The following OR9I1 variants were observed in gnomAD, a reference collection of about 807,000 sequenced individuals.
OR9I1 encodes the protein olfactory receptor 9I1.
In OR9I1, 7 loss-of-function variants were observed where a neutral mutation model predicts 11.2. That is an observed-to-expected ratio of 0.62 (90% CI 0.36 to 1.17). OR9I1 has a LOEUF of 1.17. OR9I1 is among the 50% of genes most tolerant of loss of function. The pLI, the probability that OR9I1 is intolerant of heterozygous loss-of-function variation, is 0.02. For missense variants in OR9I1, 428 were observed against 377.2 expected (o/e 1.13, Z -1.12); for synonymous variants, 165 against 153.4 (o/e 1.08, Z -0.56).
intron 2 of OR9I1, among the ~76,000 whole-genome samples, chr11:58,122,362 G>A (rs1854042188): frequency 6.6e-6 from 1 of 152,204 alleles, no homozygotes; most frequent in Non-Finnish European, 1.5e-5. Flanking sequence ...TTCAAGCTCT[G>A]TGGTTGTCAC....
Position 58,118,289 on chromosome 11 carries a change from G to T in OR9I1, c.*211C>A. On this transcript the variant is annotated 3_prime_UTR_variant, in exon 3 of 3. Transcript: ENST00000641439. ...AGAGACTGCCCAGTGCTAAGGAATG[G>T]ATTGAAAGTGGAAGAAGGGGATAAG... The T allele has an allele frequency of 4.0e-6, 2 of 502,588 alleles. No individual in the cohort carries two copies. The highest frequency in any genetic ancestry group is 7.0e-6 in the Non-Finnish European group (2 of 284,738). The allele number at this position is 502,588 out of a possible 1,614,324, so 31.1% of individuals were successfully genotyped here.
chr11:58,123,481 T>G (rs1378167792), intron 2 of OR9I1, among the ~76,000 whole-genome samples: 1 of 152,152 alleles, frequency 6.6e-6, no homozygotes, highest in Non-Finnish European at 1.5e-5. Context: ...ATTGTTGGGG[T>G]GCAGATGCAA....
At chr11:58,125,245 C>G (rs944747653) in intron 1 of OR9I1, 29 bp downstream of exon 1, 5 of 122,974 alleles carry the variant, frequency 4.1e-5, no homozygotes, top group African/African-American at 1.5e-4. Flanking sequence ...CACCGCCCCC[C>G]CCCCAAAAAA....
Position 58,119,471 on chromosome 11 carries a change from G to T in OR9I1, c.-22-5C>A. On this transcript the variant is annotated splice_polypyrimidine_tract_variant and splice_region_variant and intron_variant, in intron 2 of 2. Coordinates refer to ENST00000641439, the MANE Select transcript of OR9I1 (RefSeq NM_001005211.2). ...GAGACAATGTGGACTGTTGGTCTGAGGATGATAATGAAATAAAAAGAATCT... is the reference window on the plus strand; with the variant it reads ...GAGACAATGTGGACTGTTGGTCTGATGATGATAATGAAATAAAAAGAATCT... 2 of 1,336,846 alleles carry T rather than the reference G, an allele frequency of 1.5e-6. No homozygotes were observed. The highest frequency in any genetic ancestry group is 2.1e-6 in the Non-Finnish European group (2 of 961,888). The allele number at this position is 1,336,846 out of a possible 1,614,324, so 82.8% of individuals were successfully genotyped here.
At position 58,125,308 on chromosome 11, in the gene OR9I1, T is replaced by C. The variant is rs1590604529; in HGVS notation, c.-259A>G. 1 of 132,842 alleles carries C rather than the reference T, an allele frequency of 7.5e-6. No homozygotes were observed. The highest frequency in any genetic ancestry group is 2.8e-5 in the African/African-American group (1 of 35,640). The allele number at this position is 132,842 out of a possible 1,614,324, so 8.2% of individuals were successfully genotyped here. A position where few individuals can be genotyped will look rare whatever the true frequency, so the allele number is the denominator to read the frequency against. ...TCACATAAGAGCTGAAATCCCAGTCTGGTCATGGTCCTATCAGATGACAAC... is the reference window on the plus strand; with the variant it reads ...TCACATAAGAGCTGAAATCCCAGTCCGGTCATGGTCCTATCAGATGACAAC... On this transcript the variant is annotated 5_prime_UTR_variant, in exon 1 of 3. Coordinates refer to ENST00000641439, the MANE Select transcript of OR9I1 (RefSeq NM_001005211.2).
intron 1 of OR9I1, 133 bp from the exon 2 acceptor site, chr11:58,124,772 C>T (rs897909946): frequency 1.3e-5 from 2 of 152,212 alleles, no homozygotes; most frequent in Non-Finnish European, 2.9e-5. Context: ...CCCTGGTTCT[C>T]TGACCCCAGA....
At chr11:58,122,062 G>A (rs1854038868) in intron 2 of OR9I1, among the ~76,000 whole-genome samples, 1 of 152,128 alleles carries the variant, frequency 6.6e-6, no homozygotes, top group Non-Finnish European at 1.5e-5. Flanking sequence ...ATTCCACTGG[G>A]ACCTGCCAGG....
chr11:58,119,304 C>G lies in OR9I1; in HGVS notation c.141G>C (p.Met47Ile). The change falls in exon 3 of 3, where the codon ATG (methionine) becomes ATC (isoleucine). Residue 47 changes from methionine to isoleucine, a missense_variant. By Grantham distance (10) the Met-to-Ile change is conservative. Coordinates refer to ENST00000641439, the MANE Select transcript of OR9I1 (RefSeq NM_001005211.2). ...VTLLGNVGMI[M>I]LIQVDVKLYT... ...AGAGTTTGACATCTACTTGGATTAACATAATCATCCCCACATTCCCAAGAA... is the reference window on the plus strand; with the variant it reads ...AGAGTTTGACATCTACTTGGATTAAGATAATCATCCCCACATTCCCAAGAA... 1 of 1,613,866 alleles carries G rather than the reference C, an allele frequency of 6.2e-7. No individual in the cohort carries two copies. Among genetic ancestry groups the G allele is most frequent in the Non-Finnish European group, 8.5e-7 (1 of 1,179,884 alleles).
At position 58,119,273 on chromosome 11, in the gene OR9I1, G is replaced by T. The variant is rs372729170; in HGVS notation, c.172C>A (p.Pro58Thr). 23 of 1,613,962 alleles carry T rather than the reference G, an allele frequency of 1.4e-5. No homozygotes were observed. The highest frequency in any genetic ancestry group is 1.9e-5 in the Non-Finnish European group (23 of 1,179,910). The change falls in exon 3 of 3, where the codon CCA becomes ACA. Residue 58 changes from proline to threonine, a missense_variant. Physicochemically the swap from Pro to Thr is conservative, Grantham distance 38 (BLOSUM62 -1). Coordinates refer to ENST00000641439, the MANE Select transcript of OR9I1 (RefSeq NM_001005211.2). ...LIQVDVKLYT[P>T]MYFFLSHLSL... ...AGGTGGCTCAGGAAGAAGTACATTGGGGTGTAGAGTTTGACATCTACTTGG... is the reference window on the plus strand; with the variant it reads ...AGGTGGCTCAGGAAGAAGTACATTGTGGTGTAGAGTTTGACATCTACTTGG...
intron 2 of OR9I1, among the ~76,000 whole-genome samples, chr11:58,119,813 ATGAGC>A (rs56770449): frequency 0.03 from 4,613 of 152,246 alleles, 222 homozygotes; most frequent in African/African-American, 0.1. Flanking sequence ...CAGTTGCCGT[ATGAGC>A]CTCCATCTGC....
chr11:58,118,390 C>A lies in OR9I1; in HGVS notation c.*110G>T. On this transcript the variant is annotated 3_prime_UTR_variant, in exon 3 of 3. Coordinates refer to ENST00000641439, the MANE Select transcript of OR9I1 (RefSeq NM_001005211.2). ...TTCCTGTGTGCCTGGTGGTACCTAT[C>A]TTCTGTCTTCTCTGTTTGTGGGTAT... The A allele has an allele frequency of 1.4e-6, 1 of 719,828 alleles. No homozygotes were observed. The allele number at this position is 719,828 out of a possible 1,614,324, so 44.6% of individuals were successfully genotyped here. A position where few individuals can be genotyped will look rare whatever the true frequency, so the allele number is the denominator to read the frequency against.
In OR9I1 at chr11:58,118,905, G is replaced by A. The variant is rs1590600473; in HGVS notation, c.540C>T (p.Asp180=). 2 of 1,614,020 alleles carry A rather than the reference G, an allele frequency of 1.2e-6. No individual in the cohort carries two copies. Among genetic ancestry groups the A allele is most frequent in the Non-Finnish European group, 1.7e-6 (2 of 1,179,990 alleles). Residue 180 remains aspartate (D), a synonymous_variant, in exon 3 of 3, where the codon GAC becomes GAT. Coordinates refer to ENST00000641439, the MANE Select transcript of OR9I1 (RefSeq NM_001005211.2). ...AGGCAAGCTTCAGCAGGGGTGGGAG[G>A]TCACAGAAGAAGAAGTTTATTTGAT... is the stretch of plus-strand genomic sequence containing the variant. ...KDNQINFFFC[D]LPPLLKLACS...
At chr11:58,122,068 C>T (rs1349745736) in intron 2 of OR9I1, among the ~76,000 whole-genome samples, 1 of 152,142 alleles carries the variant, frequency 6.6e-6, no homozygotes, top group Non-Finnish European at 1.5e-5. Context: ...CTGGGACCTG[C>T]CAGGAAGAGG....
chr11:58,120,658 G>A (rs909818906), intron 2 of OR9I1, among the ~76,000 whole-genome samples: 1 of 151,302 alleles, frequency 6.6e-6, no homozygotes, highest in African/African-American at 2.4e-5. Flanking sequence ...GCTAAATAAT[G>A]TTGGCTACTT....
chr11:58,119,362 AAG>A lies in OR9I1; in HGVS notation c.81_82del (p.Phe28SerfsTer93). 3.7e-6 allele frequency: 6 copies of A among 1,613,958 alleles called. No homozygotes were observed. The highest frequency in any genetic ancestry group is 5.1e-6 in the Non-Finnish European group (6 of 1,179,854). ...TAGGTAGAAACTCAGAAACACCAGA[AAG>A]AGGGGAATCTCCAATTTGGGGTGGT... On this transcript the variant is annotated frameshift_variant, in exon 3 of 3. Coordinates refer to ENST00000641439, the MANE Select transcript of OR9I1 (RefSeq NM_001005211.2). LOFTEE classifies it high-confidence loss of function.
intron 2 of OR9I1, among the ~76,000 whole-genome samples, chr11:58,120,225 T>C (rs989938260): frequency 3.3e-5 from 5 of 152,160 alleles, no homozygotes; most frequent in Admixed American, 6.5e-5. Flanking sequence ...ACTCGTGGAC[T>C]TGCTACTTTT....
chr11:58,120,680 A>T (rs1014045653), intron 2 of OR9I1, among the ~76,000 whole-genome samples: 1 of 151,476 alleles, frequency 6.6e-6, no homozygotes, highest in African/African-American at 2.4e-5. Flanking sequence ...TGTTGTTGCT[A>T]TTATCATCAA....
chr11:58,122,513 A>T (rs1405487855), intron 2 of OR9I1, among the ~76,000 whole-genome samples: 1 of 152,230 alleles, frequency 6.6e-6, no homozygotes, highest in Non-Finnish European at 1.5e-5. Flanking sequence ...TCCATGATTT[A>T]TATGTCTAGG....
At chr11:58,120,222 G>A (rs1217862434) in intron 2 of OR9I1, among the ~76,000 whole-genome samples, 4 of 151,944 alleles carry the variant, frequency 2.6e-5, no homozygotes, top group African/African-American at 9.7e-5. Flanking sequence ...CAAACTCGTG[G>A]ACTTGCTACT....
Sources: allele counts gnomAD v4.1 joint callset (sites outside exome capture counted in the v4.1 genomes callset), GRCh38; gene constraint gnomAD v4.1.1; transcripts MANE v1.5; gene names NCBI Gene and HGNC (gene_info 2026-07-23, HGNC 2026-07-21).